Variants in TAFA1 observed in about 807,000 individuals in gnomAD.
TAFA1 encodes chemokine-like protein TAFA-1.
TAFA1 carries 4 observed loss-of-function variants against 18.5 expected under a neutral mutation model. The observed-to-expected ratio is 0.22, with a 90% CI of 0.11 to 0.49. The LOEUF is 0.49. TAFA1 is among the 20% of genes least tolerant of loss of function. TAFA1 has a pLI of 0.98. For missense variants in TAFA1, 147 were observed against 169.0 expected, an observed-to-expected ratio of 0.87 and a Z score of 0.72; for synonymous variants, 56 against 55.2, an observed-to-expected ratio of 1.01 and a Z score of -0.06.
intron 3 of TAFA1, among the ~76,000 whole-genome samples, chr3:68,511,529 G>C (rs905503915): frequency 1.3e-5 from 2 of 151,900 alleles, no homozygotes; most frequent in African/African-American, 4.8e-5. Context: ...GTGTGAACTG[G>C]GTAAATACCA....
intron 2 of TAFA1, among the ~76,000 whole-genome samples, chr3:68,265,141 T>G (rs975965027): frequency 1.4e-4 from 21 of 152,234 alleles, no homozygotes; most frequent in African/African-American, 4.8e-4. Context: ...ATCATGATTC[T>G]GTTAAACTTG....
intron 2 of TAFA1, among the ~76,000 whole-genome samples, chr3:68,258,431 T>C (rs924118650): frequency 6.6e-6 from 1 of 152,184 alleles, no homozygotes; most frequent in Non-Finnish European, 1.5e-5. Context: ...TATTGAGAAT[T>C]ACTAACTATG....
chr3:68,047,172 T>C (rs9859063), intron 2 of TAFA1, among the ~76,000 whole-genome samples: 1 of 152,130 alleles, frequency 6.6e-6, no homozygotes, highest in East Asian at 1.9e-4. Flanking sequence ...GTGAGAGCAG[T>C]TTTTCTTTCT....
intron 2 of TAFA1, among the ~76,000 whole-genome samples, chr3:68,101,755 C>T (rs1575616780): frequency 6.6e-6 from 1 of 152,236 alleles, no homozygotes; most frequent in South Asian, 2.1e-4. Context: ...GGGAAGACTT[C>T]AGGTATTTTA....
At chr3:68,505,440 T>C (rs745406243) in intron 3 of TAFA1, among the ~76,000 whole-genome samples, 6 of 152,278 alleles carry the variant, frequency 3.9e-5, no homozygotes, top group Non-Finnish European at 7.4e-5. Context: ...GCAAACCACA[T>C]TACACAAATC....
chr3:68,371,222 T>C (rs919891383), intron 2 of TAFA1, among the ~76,000 whole-genome samples: 1 of 152,192 alleles, frequency 6.6e-6, no homozygotes, highest in Non-Finnish European at 1.5e-5. Context: ...TTTTCATTTT[T>C]ATTTTACTTT....
At chr3:68,233,041 G>A (rs1164211861) in intron 2 of TAFA1, among the ~76,000 whole-genome samples, 2 of 152,006 alleles carry the variant, frequency 1.3e-5, no homozygotes, top group Admixed American at 6.6e-5. Context: ...TTTGATAGTA[G>A]CTGTTCTAAT....
chr3:68,199,879 T>C (rs1443878579), intron 2 of TAFA1, among the ~76,000 whole-genome samples: 2 of 151,524 alleles, frequency 1.3e-5, no homozygotes, highest in African/African-American at 2.4e-5. Flanking sequence ...GTATGAACAT[T>C]GAAAAGGAGT....
intron 2 of TAFA1, among the ~76,000 whole-genome samples, chr3:68,102,719 G>A (rs2065162368): frequency 6.6e-6 from 1 of 152,174 alleles, no homozygotes; most frequent in Non-Finnish European, 1.5e-5. Context: ...CATTGGCCAG[G>A]AGGCAAGTTA....
chr3:68,370,367 C>CATAT (rs1216266897), intron 2 of TAFA1, among the ~76,000 whole-genome samples: 2 of 56,680 alleles, frequency 3.5e-5, no homozygotes, highest in East Asian at 1.1e-3. Context: ...CACACACACA[C>CATAT]ATATATATAT....
At chr3:68,281,561 C>T in intron 2 of TAFA1, among the ~76,000 whole-genome samples, 2 of 151,274 alleles carry the variant, frequency 1.3e-5, no homozygotes, top group Non-Finnish European at 2.9e-5. Flanking sequence ...CCTCCACTTC[C>T]CAGGTTCAAG....
chr3:68,001,235 C>G (rs1357953509), upstream of TAFA1, among the ~76,000 whole-genome samples: 1 of 152,078 alleles, frequency 6.6e-6, no homozygotes, highest in Non-Finnish European at 1.5e-5. Flanking sequence ...AAGAAATGAC[C>G]TTATTCTTTC....
At chr3:68,003,041 T>C (rs533825796), upstream of TAFA1, among the ~76,000 whole-genome samples, 33 of 152,246 alleles carry the variant, frequency 2.2e-4, 1 homozygote, top group Non-Finnish European at 4.0e-4. Flanking sequence ...GAGGCACAGA[T>C]GTGAAACATG....
chr3:68,212,368 T>A (rs1222393085), intron 2 of TAFA1, among the ~76,000 whole-genome samples: 1 of 151,884 alleles, frequency 6.6e-6, no homozygotes, highest in East Asian at 1.9e-4. Context: ...CATTGAGAAG[T>A]TTTTAGTAGA....
chr3:68,460,733 C>G (rs895070805), intron 3 of TAFA1, among the ~76,000 whole-genome samples: 23 of 152,152 alleles, frequency 1.5e-4, no homozygotes, highest in Non-Finnish European at 4.4e-5. Flanking sequence ...TTCCTGCCTC[C>G]CATCAGCAAA....
At chr3:68,526,609 A>G (rs2073114401) in intron 3 of TAFA1, among the ~76,000 whole-genome samples, 1 of 152,190 alleles carries the variant, frequency 6.6e-6, no homozygotes, top group African/African-American at 2.4e-5. Context: ...TTATTTGATC[A>G]TGGTAAATTT....
intron 3 of TAFA1, among the ~76,000 whole-genome samples, chr3:68,443,212 C>T (rs750925826): frequency 3.3e-5 from 5 of 152,070 alleles, no homozygotes; most frequent in African/African-American, 4.8e-5. Flanking sequence ...GGTAAGACAG[C>T]CTCTTCCTGG....
chr3:68,231,376 C>A (rs1401802326), intron 2 of TAFA1, among the ~76,000 whole-genome samples: 2 of 83,370 alleles, frequency 2.4e-5, no homozygotes, highest in East Asian at 3.6e-4. Flanking sequence ...TTTTTTGAGA[C>A]GGAGTCTCGC....
At chr3:68,484,326 T>G (rs2072296754) in intron 3 of TAFA1, among the ~76,000 whole-genome samples, 1 of 152,110 alleles carries the variant, frequency 6.6e-6, no homozygotes, top group Non-Finnish European at 1.5e-5. Context: ...CTGTGACTAC[T>G]GAGTAGGGAA....
Sources: gnomAD v4.1 joint callset for allele counts (sites outside exome capture counted in the v4.1 genomes callset) on GRCh38, gnomAD v4.1.1 for gene constraint, MANE v1.5 for transcripts, NCBI Gene and HGNC (gene_info 2026-07-23, HGNC 2026-07-21) for gene names.